The following TNFRSF21 variants were observed in gnomAD, a reference collection of about 807,000 sequenced individuals.
TNFRSF21 encodes the protein tumor necrosis factor receptor superfamily member 21.
A neutral mutation model predicts 45.6 loss-of-function variants in TNFRSF21; 19 were observed. The observed-to-expected ratio is 0.42, with a 90% CI of 0.29 to 0.61. The LOEUF (loss-of-function observed/expected upper bound fraction) is 0.61. Among genes scored for constraint, TNFRSF21 ranks in the 20% least tolerant of loss-of-function variants. TNFRSF21 has a pLI of 0.23. For synonymous variants in TNFRSF21, 314 were observed against 335.5 expected, an observed-to-expected ratio of 0.94 and a Z score of 0.70; for missense variants, 737 against 851.5, an observed-to-expected ratio of 0.87 and a Z score of 1.67.
At chr6:47,270,661 G>C (rs750747693) in intron 3 of TNFRSF21, among the ~76,000 whole-genome samples, 1 of 152,214 alleles carries the variant, frequency 6.6e-6, no homozygotes, top group Non-Finnish European at 1.5e-5. Flanking sequence ...AAAGGAGAAT[G>C]ACTTTGAGGA....
chr6:47,250,886 G>A (rs1031305686), intron 4 of TNFRSF21, among the ~76,000 whole-genome samples: 1 of 152,176 alleles, frequency 6.6e-6, no homozygotes, highest in African/African-American at 2.4e-5. Flanking sequence ...CCAACATAAT[G>A]CCACAAGTGG....
At chr6:47,239,285 CAAAAAAAAAAAAAA>C (rs548172761) in intron 4 of TNFRSF21, among the ~76,000 whole-genome samples, 1 of 57,370 alleles carries the variant, frequency 1.7e-5, no homozygotes, top group Admixed American at 2.0e-4. Flanking sequence ...GACTCCATCT[CAAAAAAAAAAAAAA>C]AAAAAAAAAA....
At chr6:47,281,728 A>G (rs905261779) in intron 3 of TNFRSF21, among the ~76,000 whole-genome samples, 2 of 152,158 alleles carry the variant, frequency 1.3e-5, no homozygotes, top group African/African-American at 2.4e-5. Context: ...AAAGCAAAAG[A>G]GCAATATGTT....
At chr6:47,297,992 A>G (rs994633170) in intron 1 of TNFRSF21, among the ~76,000 whole-genome samples, 8 of 152,334 alleles carry the variant, frequency 5.3e-5, no homozygotes, top group African/African-American at 1.9e-4. Context: ...TAAAAGAGAA[A>G]CATGGGCCCA....
At position 47,239,395 on chromosome 6, in the gene TNFRSF21, A is replaced by C. The variant is rs931081435; in HGVS notation, c.1510-4497T>G. On this transcript the variant is annotated intron_variant, in intron 4 of 5. Transcript: ENST00000296861. ...CTGTTGACTGACCTTTCCTGAGATG[A>C]CACACTGGTGGAGGTTGCAGTATTC... Among the ~76,000 whole-genome samples the C allele has an allele frequency of 3.1e-4, 47 of 152,072 alleles. 1 individual carries two copies. The highest frequency in any genetic ancestry group is 5.9e-5 in the Non-Finnish European group (4 of 67,996).
intron 1 of TNFRSF21, 99 bp from the exon 2 acceptor site, chr6:47,286,694 T>C: frequency 7.8e-7 from 1 of 1,284,322 alleles, no homozygotes; most frequent in Non-Finnish European, 1.1e-6. Context: ...ACCACCATCA[T>C]CATTCCTGTT....
intron 3 of TNFRSF21, among the ~76,000 whole-genome samples, chr6:47,274,325 T>A (rs959709766): frequency 8.6e-5 from 13 of 151,946 alleles, no homozygotes; most frequent in Admixed American, 7.2e-4. Context: ...GCCTCAGAAA[T>A]AACACCACAC....
At chr6:47,252,920 A>G (rs1403199562) in intron 4 of TNFRSF21, among the ~76,000 whole-genome samples, 3 of 152,220 alleles carry the variant, frequency 2.0e-5, no homozygotes, top group African/African-American at 4.8e-5. Context: ...AAAGTGTGTC[A>G]TGCAAAATGG....
intron 3 of TNFRSF21, among the ~76,000 whole-genome samples, chr6:47,272,080 C>T (rs148056126): frequency 6.6e-6 from 1 of 152,118 alleles, no homozygotes; most frequent in Non-Finnish European, 1.5e-5. Context: ...GACTTTAACA[C>T]CCCATTGTCA....
At chr6:47,250,280 T>C (rs1764882576) in intron 4 of TNFRSF21, among the ~76,000 whole-genome samples, 1 of 152,192 alleles carries the variant, frequency 6.6e-6, no homozygotes, top group South Asian at 2.1e-4. Context: ...AAAATTGCAA[T>C]AACTTACAAC....
chr6:47,277,437 A>G (rs1762514678), intron 3 of TNFRSF21, among the ~76,000 whole-genome samples: 1 of 152,192 alleles, frequency 6.6e-6, no homozygotes, highest in South Asian at 2.1e-4. Context: ...CCTCTGCATC[A>G]TCTCCAGCGT....
At chr6:47,296,001 G>A (rs914145866) in intron 1 of TNFRSF21, among the ~76,000 whole-genome samples, 8 of 152,272 alleles carry the variant, frequency 5.3e-5, no homozygotes, top group South Asian at 4.1e-4. Flanking sequence ...ATGCAGGAGC[G>A]TGTACACTCA....
At chr6:47,296,620 T>A (rs1223117869) in intron 1 of TNFRSF21, among the ~76,000 whole-genome samples, 3 of 152,174 alleles carry the variant, frequency 2.0e-5, no homozygotes, top group African/African-American at 7.2e-5. Context: ...TGATCACCAA[T>A]GGCCAGTGAT....
chr6:47,306,475 C>T (rs1417158627), intron 1 of TNFRSF21, among the ~76,000 whole-genome samples: 2 of 152,114 alleles, frequency 1.3e-5, no homozygotes, highest in African/African-American at 4.8e-5. Flanking sequence ...CTGGGACAAA[C>T]CAATGAAGTT....
At chr6:47,250,365 G>T (rs889890530) in intron 4 of TNFRSF21, among the ~76,000 whole-genome samples, 1 of 152,168 alleles carries the variant, frequency 6.6e-6, no homozygotes, top group Non-Finnish European at 1.5e-5. Context: ...ATTCTGGAAG[G>T]CTGGGTTCAG....
At chr6:47,248,483 G>A (rs1406851135) in intron 4 of TNFRSF21, among the ~76,000 whole-genome samples, 2 of 152,014 alleles carry the variant, frequency 1.3e-5, no homozygotes, top group Non-Finnish European at 2.9e-5. Flanking sequence ...AAATAAAAGG[G>A]GGGAGTGAAA....
chr6:47,272,728 C>G (rs556719980), intron 3 of TNFRSF21, among the ~76,000 whole-genome samples: 2 of 152,094 alleles, frequency 1.3e-5, no homozygotes, highest in Non-Finnish European at 2.9e-5. Context: ...AATCCAGGAG[C>G]TGGTTTTTTG....
intron 1 of TNFRSF21, among the ~76,000 whole-genome samples, chr6:47,304,570 T>C (rs919339892): frequency 1.3e-5 from 2 of 152,232 alleles, no homozygotes; most frequent in African/African-American, 4.8e-5. Flanking sequence ...AGAAAAGGAC[T>C]GTCTTCAAAC....
chr6:47,248,775 C>G (rs561516478), intron 4 of TNFRSF21, among the ~76,000 whole-genome samples: 1 of 152,328 alleles, frequency 6.6e-6, no homozygotes, highest in Admixed American at 6.5e-5. Flanking sequence ...AAGTGACCCT[C>G]AGTATTCAGC....
Sources: gnomAD v4.1 joint callset for allele counts (sites outside exome capture counted in the v4.1 genomes callset) on GRCh38, gnomAD v4.1.1 for gene constraint, MANE v1.5 for transcripts, NCBI Gene and HGNC (gene_info 2026-07-23, HGNC 2026-07-21) for gene names.